Variants in CACNG4 observed in about 807,000 individuals in gnomAD.
CACNG4 encodes calcium voltage-gated channel auxiliary subunit gamma 4.
Under a neutral mutation model 22.9 loss-of-function variants are expected in CACNG4, and 8 were observed. The ratio of observed to expected loss-of-function variants is 0.35; its 90% CI spans 0.21 to 0.63. The LOEUF (loss-of-function observed/expected upper bound fraction) is 0.63. Among genes scored for constraint, CACNG4 ranks in the 30% least tolerant of loss-of-function variants. CACNG4 has a pLI of 0.72. For synonymous variants in CACNG4, 188 were observed against 191.9 expected, an observed-to-expected ratio of 0.98 and a Z score of 0.17; for missense variants, 357 against 455.4, an observed-to-expected ratio of 0.78 and a Z score of 1.97.
At chr17:66,993,229 G>A (rs2035352904) in intron 1 of CACNG4, among the ~76,000 whole-genome samples, 1 of 152,282 alleles carries the variant, frequency 6.6e-6, no homozygotes, top group African/African-American at 2.4e-5. Context: ...CATTTGCTGA[G>A]AGGTTTTCCA....
intron 1 of CACNG4, among the ~76,000 whole-genome samples, chr17:66,990,121 G>T (rs1051182428): frequency 6.6e-6 from 1 of 152,220 alleles, no homozygotes; most frequent in African/African-American, 2.4e-5. Context: ...GGATGCAATT[G>T]AGATATTTGC....
Position 67,031,186 on chromosome 17 carries a change from G to C in CACNG4, c.*182G>C, listed in dbSNP as rs1269960091. 1 of 669,562 alleles carries C rather than the reference G, an allele frequency of 1.5e-6. No individual in the cohort carries two copies. The highest frequency in any genetic ancestry group is 2.6e-6 in the Non-Finnish European group (1 of 389,846). 41.5% of individuals were successfully genotyped at this position (669,562 alleles called of 1,614,324 possible). A position where few individuals can be genotyped will look rare whatever the true frequency, so the allele number is the denominator to read the frequency against. On this transcript the variant is annotated 3_prime_UTR_variant, in exon 4 of 4. Coordinates refer to ENST00000262138, the MANE Select transcript of CACNG4 (RefSeq NM_014405.4). This position sits in a 1 kb window ranked among gnomAD's most constrained non-coding sequence, Gnocchi z 4.0. The stretch of plus-strand genomic sequence containing the variant: ...GTTGTGCTGGGAGACCGGACCCGGG[G>C]CTGCAGAAGAAGCTGAAGGCTGACT...
rs1362348400 is a variant in CACNG4, at chr17:66,984,165, G to A, written c.220+19034G>A. On this transcript the variant is annotated intron_variant, in intron 1 of 3. Coordinates refer to ENST00000262138, the MANE Select transcript of CACNG4 (RefSeq NM_014405.4). This position sits in a 1 kb window ranked among gnomAD's most constrained non-coding sequence, Gnocchi z 4.0. ...AAGCCAAGGCAGGAGGATCACTAGA[G>A]GCCAGGAGTTCAAGACCAGTTTGGC... 6.6e-6 allele frequency among the ~76,000 whole-genome samples: 1 copy of A among 151,038 alleles called. No homozygotes were observed. The highest frequency in any genetic ancestry group is 1.5e-5 in the Non-Finnish European group (1 of 68,006).
chr17:67,018,298 C>T, intron 2 of CACNG4, 26 bp downstream of exon 2: 1 of 1,586,646 alleles, frequency 6.3e-7, no homozygotes, highest in Non-Finnish European at 8.7e-7. Flanking sequence ...CCTGGACTCT[C>T]TTTCTGTGGG....
chr17:67,005,015 T>TG (rs2035429248), intron 1 of CACNG4, among the ~76,000 whole-genome samples: 1 of 152,108 alleles, frequency 6.6e-6, no homozygotes, highest in Admixed American at 6.6e-5. Flanking sequence ...TGAGGCACCC[T>TG]GCCCCGTCCC....
intron 1 of CACNG4, among the ~76,000 whole-genome samples, chr17:66,991,973 C>T (rs983179466): frequency 6.6e-6 from 1 of 152,190 alleles, no homozygotes; most frequent in African/African-American, 2.4e-5. Flanking sequence ...GCTGCCTGCC[C>T]ACCCAACTCA....
At chr17:67,011,483 T>C (rs993197345) in intron 1 of CACNG4, among the ~76,000 whole-genome samples, 2 of 152,198 alleles carry the variant, frequency 1.3e-5, no homozygotes, top group Non-Finnish European at 2.9e-5. Context: ...GATATTCATT[T>C]ATTTTATCTT....
intron 1 of CACNG4, among the ~76,000 whole-genome samples, chr17:66,966,194 T>A (rs1294527866): frequency 6.6e-6 from 1 of 152,128 alleles, no homozygotes; most frequent in Non-Finnish European, 1.5e-5. Flanking sequence ...GGCGCCCTTC[T>A]GCCCGGCTGC....
chr17:67,012,122 A>T (rs1030521092), intron 1 of CACNG4, among the ~76,000 whole-genome samples: 1 of 152,174 alleles, frequency 6.6e-6, no homozygotes, highest in East Asian at 1.9e-4. Flanking sequence ...GCGGTGTGGG[A>T]GGAGCACTGG....
At chr17:67,026,654 C>A (rs111980068) in intron 3 of CACNG4, among the ~76,000 whole-genome samples, 18,772 of 104,268 alleles carry the variant, frequency 0.18, 1,355 homozygotes, top group South Asian at 0.25. Flanking sequence ...GTGTAGTGTG[C>A]GTGTGTGTAT....
chr17:66,973,160 A>C (rs1340021017), intron 1 of CACNG4, among the ~76,000 whole-genome samples: 1 of 152,056 alleles, frequency 6.6e-6, no homozygotes, highest in East Asian at 1.9e-4. Flanking sequence ...GAATTGCTTA[A>C]ACCTGGGAGG....
At chr17:67,000,114 C>T (rs1248676966) in intron 1 of CACNG4, among the ~76,000 whole-genome samples, 1 of 152,200 alleles carries the variant, frequency 6.6e-6, no homozygotes, top group East Asian at 1.9e-4. Context: ...CAGCCTTCCC[C>T]AGGCTCTCTC....
intron 3 of CACNG4, among the ~76,000 whole-genome samples, chr17:67,026,774 G>A (rs1047043296): frequency 3.3e-5 from 5 of 151,882 alleles, no homozygotes. Flanking sequence ...TGTGTGTGAG[G>A]AGTGTGGTGT....
In CACNG4 at chr17:67,032,361, C is replaced by A. The variant is rs551372712; in HGVS notation, c.*1357C>A. On this transcript the variant is annotated 3_prime_UTR_variant, in exon 4 of 4. Coordinates refer to ENST00000262138, the MANE Select transcript of CACNG4 (RefSeq NM_014405.4). ...AACTCTCCAGAACATGGAACTTAAC[C>A]CTCTTTTGTATAAAACATGTGCTTT... 2 of 228,526 alleles carry A rather than the reference C, an allele frequency of 8.8e-6. No homozygotes were observed. The highest frequency in any genetic ancestry group is 1.1e-4 in the East Asian group (1 of 9,218). 14.2% of individuals were successfully genotyped at this position (228,526 alleles called of 1,614,324 possible). A position where few individuals can be genotyped will look rare whatever the true frequency, so the allele number is the denominator to read the frequency against.
At chr17:67,015,680 C>T (rs1002137321) in intron 1 of CACNG4, among the ~76,000 whole-genome samples, 9 of 152,200 alleles carry the variant, frequency 5.9e-5, no homozygotes, top group African/African-American at 1.4e-4. Context: ...AGAAGACACA[C>T]GGTGGACTTA....
intron 1 of CACNG4, among the ~76,000 whole-genome samples, chr17:67,008,967 C>G (rs2035452815): frequency 6.6e-6 from 1 of 151,986 alleles, no homozygotes. Flanking sequence ...AAAAATGAGG[C>G]CTTTAGAGTG....
intron 1 of CACNG4, among the ~76,000 whole-genome samples, chr17:66,970,250 G>A (rs1168036148): frequency 6.6e-6 from 1 of 152,222 alleles, no homozygotes; most frequent in Admixed American, 6.5e-5. Context: ...CCACTAGTCA[G>A]GGGAAATCCT....
intron 1 of CACNG4, among the ~76,000 whole-genome samples, chr17:67,016,259 C>T (rs1306289119): frequency 1.3e-5 from 2 of 152,158 alleles, no homozygotes; most frequent in Non-Finnish European, 2.9e-5. Context: ...TTAATAACTA[C>T]GTTGTTCATG....
intron 1 of CACNG4, among the ~76,000 whole-genome samples, chr17:67,011,122 T>A (rs1050362302): frequency 3.9e-5 from 6 of 152,226 alleles, no homozygotes; most frequent in Non-Finnish European, 8.8e-5. Flanking sequence ...GTTCCTAAGT[T>A]AATTCAACCA....
Sources: gnomAD v4.1 joint callset for allele counts (sites outside exome capture counted in the v4.1 genomes callset) on GRCh38, gnomAD v4.1.1 for gene constraint, Gnocchi (gnomAD v3.1) non-coding constraint, MANE v1.5 for transcripts, NCBI Gene and HGNC (gene_info 2026-07-23, HGNC 2026-07-21) for gene names.